Variants in INPPL1 observed in about 807,000 individuals in gnomAD.
The protein encoded by INPPL1 is inositol polyphosphate phosphatase like 1, also known as phosphatidylinositol 3,4,5-trisphosphate 5-phosphatase 2.
Under a neutral mutation model 139.3 loss-of-function variants are expected in INPPL1, and 91 were observed. That is an observed-to-expected ratio of 0.65 (90% CI 0.55 to 0.78). The LOEUF (loss-of-function observed/expected upper bound fraction) is 0.78. INPPL1 is among the 30% of genes least tolerant of loss of function. INPPL1 has a pLI of 0.00. For missense variants in INPPL1, 1,411 were observed against 1,665.6 expected, an observed-to-expected ratio of 0.85 and a Z score of 2.66; for synonymous variants, 719 against 686.6, an observed-to-expected ratio of 1.05 and a Z score of -0.74.
At position 72,228,461 on chromosome 11, in the gene INPPL1, G is replaced by T; in HGVS notation, c.360G>T (p.Glu120Asp). 6.2e-7 allele frequency: 1 copy of T among 1,610,572 alleles called. No homozygotes were observed. The highest frequency in any genetic ancestry group is 8.5e-7 in the Non-Finnish European group (1 of 1,179,990). The change falls in exon 3 of 28, where the codon GAG becomes GAT. Residue 120 changes from glutamate to aspartate, a missense_variant. By Grantham distance (45) the Glu-to-Asp change is conservative. This residue lies in a region of INPPL1 where 504 missense variants were observed against 595.6 expected (regional missense o/e 0.85). Coordinates refer to ENST00000298229, the MANE Select transcript of INPPL1 (RefSeq NM_001567.4). The surrounding 1 kb of genome is among the most constrained non-coding windows in gnomAD (Gnocchi z 5.0). ...VCALLLPVEG[E>D]REPDPPDDRD... Reference sequence around the variant, plus strand: ...CCCTGCTTCTTCCTGTAGAGGGTGAGCGAGAGCCGGACCCACCGGATGACC... The same window carrying T: ...CCCTGCTTCTTCCTGTAGAGGGTGATCGAGAGCCGGACCCACCGGATGACC...
rs1948931408 is a variant in INPPL1 at position 72,234,670 on chromosome 11, TA to T, written c.2415+57del. 6.9e-6 allele frequency: 9 copies of T among 1,310,000 alleles called. No individual in the cohort carries two copies. The highest frequency in any genetic ancestry group is 9.9e-6 in the Non-Finnish European group (9 of 910,468). The allele number at this position is 1,310,000 out of a possible 1,614,324, so 81.1% of individuals were successfully genotyped here. A position where few individuals can be genotyped will look rare whatever the true frequency, so the allele number is the denominator to read the frequency against. ...GGGTGAGGGCACAGAGAGGGGTACA[TA>T]AGAGTTTATTGGAGAGCCTGCCTGG... is the stretch of plus-strand genomic sequence containing the variant. On this transcript the variant is annotated intron_variant, in intron 21 of 27. Coordinates refer to ENST00000298229, the MANE Select transcript of INPPL1 (RefSeq NM_001567.4). This position sits in a 1 kb window ranked among gnomAD's most constrained non-coding sequence, Gnocchi z 4.2.
chr11:72,230,893 A>G lies in INPPL1; in HGVS notation c.1295A>G (p.Asn432Ser), dbSNP rs1948814298. ...ATCTCAGTCTTCATAGGCACCTGGA[A>G]CATGGGTCAGGCCCGGGCTGGGGCT... ...DMISVFIGTW[N>S]MGSVPPPKNV... Residue 432 changes from asparagine to serine, a missense_variant, in exon 11 of 28, where the codon AAC becomes AGC. Around this residue, in one of 5 missense-constraint regions of INPPL1, gnomAD observed 504 missense variants for 595.6 expected, o/e 0.85. Transcript: ENST00000298229. 1 of 1,613,998 alleles carries G rather than the reference A, an allele frequency of 6.2e-7. No homozygotes were observed. The highest frequency in any genetic ancestry group is 8.5e-7 in the Non-Finnish European group (1 of 1,179,958).
intron 10 of INPPL1, 79 bp from the exon 11 acceptor site, chr11:72,230,717 A>T: frequency 8.3e-7 from 1 of 1,201,756 alleles, no homozygotes; most frequent in East Asian, 2.4e-5. Flanking sequence ...CATGGACATG[A>T]GCCAACTGGC....
At position 72,230,830 on chromosome 11, in the gene INPPL1, T is replaced by C; in HGVS notation, c.1232T>C (p.Met411Thr). The C allele has an allele frequency of 3.1e-6, 5 of 1,613,974 alleles. No homozygotes were observed. The highest frequency in any genetic ancestry group is 4.2e-6 in the Non-Finnish European group (5 of 1,179,976). The change falls in exon 11 of 28, where the codon ATG becomes ACG. Residue 411 changes from methionine to threonine, a missense_variant. Met to Thr is a moderately conservative substitution (Grantham distance 81). Around this residue, in one of 5 missense-constraint regions of INPPL1, gnomAD observed 504 missense variants for 595.6 expected, o/e 0.85. Transcript: ENST00000298229. Reference sequence around the variant, plus strand: ...GCCTTCTGCCAGCTGTTGCAGCTCATGAAGAACAAGCACTCCAAGCAGGAC... The same window carrying C: ...GCCTTCTGCCAGCTGTTGCAGCTCACGAAGAACAAGCACTCCAAGCAGGAC... ...REAFCQLLQL[M>T]KNKHSKQDEP...
intron 16 of INPPL1, 46 bp from the exon 17 acceptor site, chr11:72,233,029 C>T: frequency 3.1e-6 from 5 of 1,609,214 alleles, no homozygotes; most frequent in Non-Finnish European, 4.3e-6. Flanking sequence ...TGCAGTATCC[C>T]TGGGTGTCAG....
Position 72,235,052 on chromosome 11 carries a change from C to A in INPPL1, c.2416-64C>A. 1 of 1,348,014 alleles carries A rather than the reference C, an allele frequency of 7.4e-7. No homozygotes were observed. The highest frequency in any genetic ancestry group is 1.2e-5 in the South Asian group (1 of 81,122). The allele number at this position is 1,348,014 out of a possible 1,614,324, so 83.5% of individuals were successfully genotyped here. A position where few individuals can be genotyped will look rare whatever the true frequency, so the allele number is the denominator to read the frequency against. ...GGGATTGAGTGGTGTCAGGGGGCAG[C>A]GCGTAGGAGGGGCAGGAGGAAGTGG... On this transcript the variant is annotated intron_variant, in intron 21 of 27. Transcript: ENST00000298229. This position sits in a 1 kb window ranked among gnomAD's most constrained non-coding sequence, Gnocchi z 4.9.
In INPPL1 at chr11:72,225,027, G is replaced by C; in HGVS notation, c.43G>C (p.Gly15Arg). The change falls in exon 1 of 28, where the codon GGC becomes CGC. Residue 15 changes from glycine (G) to arginine (R), a missense_variant. Gly to Arg is a moderately radical substitution (Grantham distance 125). This residue lies in a region of INPPL1 where 504 missense variants were observed against 595.6 expected (regional missense o/e 0.85). Coordinates refer to ENST00000298229, the MANE Select transcript of INPPL1 (RefSeq NM_001567.4). ...CGAPGPGGAL[G>R]SQAPSWYHRD... The stretch of plus-strand genomic sequence containing the variant: ...GGCGCCGGGCCCGGGGGGCGCCCTG[G>C]GCAGCCAGGCCCCCTCCTGGTACCA... 8.2e-7 allele frequency: 1 copy of C among 1,222,728 alleles called. No individual in the cohort carries two copies. The highest frequency in any genetic ancestry group is 1.0e-6 in the Non-Finnish European group (1 of 982,576). 75.7% of individuals were successfully genotyped at this position (1,222,728 alleles called of 1,614,324 possible).
rs781357595 is a variant in INPPL1 at position 72,228,757 on chromosome 11, C to A, written c.428C>A (p.Pro143Gln). 1 of 1,610,038 alleles carries A rather than the reference C, an allele frequency of 6.2e-7. No homozygotes were observed. The highest frequency in any genetic ancestry group is 8.5e-7 in the Non-Finnish European group (1 of 1,177,806). ...GAGGATGAGAAGCCCCCGCTGCCCC[C>A]GCGCTCTGGCTCCACCAGCATTTCT... Reference protein sequence around the residue: ...DGEDEKPPLPPRSGSTSISAP... With the variant: ...DGEDEKPPLPQRSGSTSISAP... Residue 143 changes from proline to glutamine, a missense_variant, in exon 4 of 28, where the codon CCG (proline) becomes CAG (glutamine). Physicochemically the swap from Pro to Gln is moderately conservative, Grantham distance 76. This residue lies in a region of INPPL1 where 504 missense variants were observed against 595.6 expected (regional missense o/e 0.85). Coordinates refer to ENST00000298229, the MANE Select transcript of INPPL1 (RefSeq NM_001567.4). The surrounding 1 kb of genome is among the most constrained non-coding windows in gnomAD (Gnocchi z 5.0).
At chr11:72,225,433 C>A (rs748135469) in intron 1 of INPPL1, 137 of 985,228 alleles carry the variant, frequency 1.4e-4, no homozygotes, top group Non-Finnish European at 1.7e-4. Context: ...ACGAAAAATT[C>A]GGGCATTCCC....
rs1487943180 is a variant in INPPL1 at position 72,229,202 on chromosome 11, C to A, written c.631C>A (p.Leu211Ile). The A allele has an allele frequency of 2.5e-6, 4 of 1,612,360 alleles. No homozygotes were observed. The highest frequency in any genetic ancestry group is 3.4e-6 in the Non-Finnish European group (4 of 1,179,158). ...ASHLPHLTRT[L>I]ATSCRRLHSE... Reference sequence around the variant, plus strand: ...CCACCTGCCCCACCTCACCCGTACCCTCGCTACCTCATGCCGGAGGCTGCA... The same window carrying A: ...CCACCTGCCCCACCTCACCCGTACCATCGCTACCTCATGCCGGAGGCTGCA... The change falls in exon 5 of 28, where the codon CTC becomes ATC. Residue 211 changes from leucine (L) to isoleucine (I), a missense_variant. By Grantham distance (5) the Leu-to-Ile change is conservative (BLOSUM62 2). This residue lies in a region of INPPL1 where 504 missense variants were observed against 595.6 expected (regional missense o/e 0.85). Coordinates refer to ENST00000298229, the MANE Select transcript of INPPL1 (RefSeq NM_001567.4).
chr11:72,235,573 C>T lies in INPPL1; in HGVS notation c.2660-102C>T, dbSNP rs1322319681. 10 of 1,569,508 alleles carry T rather than the reference C, an allele frequency of 6.4e-6. No homozygotes were observed. In the African/African-American group the frequency reaches 1.1e-4, roughly 17 times the overall value. ...TTCTGCAGCCACAGCTGGGAATAGTCCTGCCCCAAGGCATAGCTGGGAAAG... is the reference window on the plus strand; with the variant it reads ...TTCTGCAGCCACAGCTGGGAATAGTTCTGCCCCAAGGCATAGCTGGGAAAG... On this transcript the variant is annotated intron_variant, in intron 23 of 27. Transcript: ENST00000298229. This position sits in a 1 kb window ranked among gnomAD's most constrained non-coding sequence, Gnocchi z 4.9.
At chr11:72,224,151 A>G (rs1203942221), upstream of INPPL1, among the ~76,000 whole-genome samples, 1 of 152,022 alleles carries the variant, frequency 6.6e-6, no homozygotes, top group Non-Finnish European at 1.5e-5. Context: ...GAGAGGCTCG[A>G]GAACGTCGCA....
At position 72,228,395 on chromosome 11, in the gene INPPL1, C is replaced by T; in HGVS notation, c.294C>T (p.Leu98=). Residue 98 remains leucine, a synonymous_variant, in exon 3 of 28, where the codon CTC becomes CTT. Transcript: ENST00000298229. This position sits in a 1 kb window ranked among gnomAD's most constrained non-coding sequence, Gnocchi z 5.0. ...PVRRFQTLGE[L]IGLYAQPNQG... ...GCCGCTTCCAGACCCTGGGTGAGCT[C>T]ATCGGCCTGTACGCCCAGCCCAACC... The T allele has an allele frequency of 1.9e-6, 3 of 1,613,294 alleles. No homozygotes were observed. Among genetic ancestry groups the T allele is most frequent in the East Asian group, 4.5e-5 (2 of 44,874 alleles).
chr11:72,230,993 G>A lies in INPPL1; in HGVS notation c.1301G>A (p.Gly434Glu). 1 of 1,613,106 alleles carries A rather than the reference G, an allele frequency of 6.2e-7. No homozygotes were observed. Among genetic ancestry groups the A allele is most frequent in the Non-Finnish European group, 8.5e-7 (1 of 1,179,404 alleles). Residue 434 changes from glycine (G) to glutamate (E), a missense_variant and splice_region_variant, in exon 12 of 28, where the codon GGA (glycine) becomes GAA (glutamate). Coordinates refer to ENST00000298229, the MANE Select transcript of INPPL1 (RefSeq NM_001567.4). ...ISVFIGTWNM[G>E]SVPPPKNVTS... ...CCCACCTCACCCCCTTCACCTCCAG[G>A]AAGTGTACCACCTCCAAAAAACGTG...
At chr11:72,227,306 G>A (rs185357860) in intron 1 of INPPL1, among the ~76,000 whole-genome samples, 7 of 152,292 alleles carry the variant, frequency 4.6e-5, no homozygotes, top group Admixed American at 3.9e-4. Flanking sequence ...TATCTGTTTA[G>A]AAGTGTGAGA....
Position 72,231,149 on chromosome 11 carries a change from G to T in INPPL1, c.1457G>T (p.Arg486Leu). ...GACCGCGAGTGGCTGGACCTACTGC[G>T]CGGGGGCCTCAAGGAGCTTACGGAT... ...VGDREWLDLL[R>L]GGLKELTDLD... Residue 486 changes from arginine (R) to leucine (L), a missense_variant, in exon 12 of 28, where the codon CGC (arginine) becomes CTC (leucine). Around this residue, in one of 5 missense-constraint regions of INPPL1, gnomAD observed 363 missense variants for 446.2 expected, o/e 0.81. Coordinates refer to ENST00000298229, the MANE Select transcript of INPPL1 (RefSeq NM_001567.4). 1 of 1,613,598 alleles carries T rather than the reference G, an allele frequency of 6.2e-7. No individual in the cohort carries two copies. The highest frequency in any genetic ancestry group is 2.2e-5 in the East Asian group (1 of 44,880).
At position 72,225,033 on chromosome 11, in the gene INPPL1, C is replaced by T. The variant is rs1195272861; in HGVS notation, c.49C>T (p.Gln17Ter). The change falls in exon 1 of 28, where the codon CAG becomes TAG. Residue 17 changes from glutamine to a stop codon, truncating the protein, a stop_gained. Transcript: ENST00000298229. LOFTEE classifies it high-confidence loss of function. The stretch of plus-strand genomic sequence containing the variant: ...GGGCCCGGGGGGCGCCCTGGGCAGC[C>T]AGGCCCCCTCCTGGTACCACCGCGA... ...APGPGGALGS[Q>*]APSWYHRDLS... 6 of 1,225,736 alleles carry T rather than the reference C, an allele frequency of 4.9e-6. No individual in the cohort carries two copies. The highest frequency in any genetic ancestry group is 4.7e-5 in the African/African-American group (3 of 63,884). 75.9% of individuals were successfully genotyped at this position (1,225,736 alleles called of 1,614,324 possible).
At position 72,237,247 on chromosome 11, in the gene INPPL1, AC is replaced by A. The variant is rs1390835817; in HGVS notation, c.3006del (p.Ser1003ArgfsTer128). ...CGCACCAGCTGCTGCCCCCGGAGCC[AC>A]CCTCGCCTGCCAGGGCCCCTGTCCC... ...VPHQLLPPEP[P>X]SPARAPVPSA... On this transcript the variant is annotated frameshift_variant, in exon 26 of 28. Coordinates refer to ENST00000298229, the MANE Select transcript of INPPL1 (RefSeq NM_001567.4). LOFTEE classifies it high-confidence loss of function. 6.2e-7 allele frequency: 1 copy of A among 1,613,754 alleles called. No homozygotes were observed.
At position 72,235,211 on chromosome 11, in the gene INPPL1, G is replaced by C; in HGVS notation, c.2503+8G>C. ...ATGGCTATGAATCCTATGGTGAGGGGTGAGGGGTGCTGAGGGGAACAGGAA... is the reference window on the plus strand; with the variant it reads ...ATGGCTATGAATCCTATGGTGAGGGCTGAGGGGTGCTGAGGGGAACAGGAA... On this transcript the variant is annotated splice_region_variant and intron_variant, in intron 22 of 27. Transcript: ENST00000298229. This position sits in a 1 kb window ranked among gnomAD's most constrained non-coding sequence, Gnocchi z 4.9. 1 of 1,614,066 alleles carries C rather than the reference G, an allele frequency of 6.2e-7. No individual in the cohort carries two copies. Among genetic ancestry groups the C allele is most frequent in the South Asian group, 1.1e-5 (1 of 91,080 alleles).
Sources: gnomAD v4.1 joint callset for allele counts (sites outside exome capture counted in the v4.1 genomes callset) on GRCh38, gnomAD v4.1.1 for gene constraint, gnomAD v4.1.1 regional missense constraint, Gnocchi (gnomAD v3.1) non-coding constraint, MANE v1.5 for transcripts, NCBI Gene and HGNC (gene_info 2026-07-23, HGNC 2026-07-21) for gene names.